TMEM108: variants seen among roughly 807,000 people sequenced by gnomAD.
The protein encoded by TMEM108 is cancer/testis antigen 124.
A neutral mutation model predicts 35.1 loss-of-function variants in TMEM108; 12 were observed. The observed-to-expected ratio is 0.34, with a 90% CI of 0.22 to 0.55. TMEM108 has a LOEUF of 0.55. TMEM108 is among the 20% of genes least tolerant of loss of function. The probability of loss-of-function intolerance (pLI) is 0.89; values close to 1 mark genes in which losing one functional copy is unlikely to be tolerated. For synonymous variants in TMEM108, 287 were observed against 308.6 expected, an observed-to-expected ratio of 0.93 and a Z score of 0.73; for missense variants, 680 against 753.3, an observed-to-expected ratio of 0.90 and a Z score of 1.14.
intron 3 of TMEM108, among the ~76,000 whole-genome samples, chr3:133,359,091 A>C (rs1270688656): frequency 1.3e-5 from 2 of 152,224 alleles, no homozygotes; most frequent in African/African-American, 4.8e-5. Context: ...AATTTTGGTC[A>C]GGACCATATC....
chr3:133,127,680 T>G (rs953140597), intron 2 of TMEM108, among the ~76,000 whole-genome samples: 1 of 152,200 alleles, frequency 6.6e-6, no homozygotes, highest in Non-Finnish European at 1.5e-5. Context: ...CTGGCTCATT[T>G]CCATTATGTC....
rs986951495 is a variant in TMEM108 at position 133,319,410 on chromosome 3, C to A, written c.41-60342C>A. On this transcript the variant is annotated intron_variant, in intron 3 of 5. Coordinates refer to ENST00000321871, the MANE Select transcript of TMEM108 (RefSeq NM_023943.4). ...CTTTCTTGAAAGCACGACCTCCTGG[C>A]TGTAGGCCAACCAACTCAGGACATT... 2.0e-5 allele frequency among the ~76,000 whole-genome samples: 3 copies of A among 152,318 alleles called. No homozygotes were observed. The South Asian group carries it at 6.2e-4, about 32-fold the overall frequency.
intron 2 of TMEM108, among the ~76,000 whole-genome samples, chr3:133,208,592 C>T (rs1945791414): frequency 6.6e-6 from 1 of 152,170 alleles, no homozygotes; most frequent in East Asian, 1.9e-4. Context: ...TTTCCAACTA[C>T]CACCAGCTAC....
intron 2 of TMEM108, among the ~76,000 whole-genome samples, chr3:133,220,761 G>A (rs906921381): frequency 6.6e-6 from 1 of 152,068 alleles, no homozygotes; most frequent in African/African-American, 2.4e-5. Flanking sequence ...CAGGTTAAGG[G>A]CTCAGTCCCA....
chr3:133,094,120 G>T (rs1943981384), intron 2 of TMEM108, among the ~76,000 whole-genome samples: 1 of 152,010 alleles, frequency 6.6e-6, no homozygotes, highest in South Asian at 2.1e-4. Context: ...CTCTCATGGT[G>T]TGAAGATATG....
chr3:133,303,250 T>C (rs949113172), intron 3 of TMEM108: 1 of 152,168 alleles, frequency 6.6e-6, no homozygotes, highest in Non-Finnish European at 1.5e-5. Flanking sequence ...TAACCACCAT[T>C]TTTTGAGTAT....
chr3:133,070,052 G>A (rs529739269), intron 2 of TMEM108, among the ~76,000 whole-genome samples: 152 of 152,124 alleles, frequency 1.0e-3, no homozygotes, highest in Non-Finnish European at 1.8e-3. Flanking sequence ...TCATTCAATG[G>A]TGAGGAAATG....
intron 3 of TMEM108, among the ~76,000 whole-genome samples, chr3:133,239,963 G>C (rs1946290523): frequency 6.6e-6 from 1 of 152,196 alleles, no homozygotes; most frequent in Non-Finnish European, 1.5e-5. Context: ...CTGGAAGTTA[G>C]TTTTTACTCT....
chr3:133,049,160 T>G (rs1458152672), intron 2 of TMEM108, among the ~76,000 whole-genome samples: 1 of 152,232 alleles, frequency 6.6e-6, no homozygotes, highest in Non-Finnish European at 1.5e-5. Flanking sequence ...TTTTTCCAGG[T>G]GGTCAGAACA....
intron 3 of TMEM108, among the ~76,000 whole-genome samples, chr3:133,349,772 A>G (rs1458609885): frequency 1.3e-5 from 2 of 152,162 alleles, no homozygotes; most frequent in Non-Finnish European, 2.9e-5. Context: ...TTTAAAAGAG[A>G]CAAAAGAAAA....
intron 2 of TMEM108, among the ~76,000 whole-genome samples, chr3:133,057,040 C>G (rs1943473379): frequency 6.6e-6 from 1 of 152,086 alleles, no homozygotes; most frequent in Non-Finnish European, 1.5e-5. Context: ...AGACTCTGCC[C>G]CATATTGATT....
intron 3 of TMEM108, among the ~76,000 whole-genome samples, chr3:133,326,852 C>G (rs1156745010): frequency 6.6e-6 from 1 of 152,196 alleles, no homozygotes; most frequent in African/African-American, 2.4e-5. Flanking sequence ...AATAATATGT[C>G]CACTTAGAGG....
At chr3:133,041,440 T>C (rs1943275276) in intron 1 of TMEM108, among the ~76,000 whole-genome samples, 1 of 152,242 alleles carries the variant, frequency 6.6e-6, no homozygotes, top group Non-Finnish European at 1.5e-5. Flanking sequence ...TGGGAATTCC[T>C]GGAGGAGCTG....
At chr3:133,315,817 C>CA (rs2071191902) in intron 3 of TMEM108, among the ~76,000 whole-genome samples, 1 of 152,180 alleles carries the variant, frequency 6.6e-6, no homozygotes, top group Admixed American at 6.5e-5. Flanking sequence ...TACTTGTTTG[C>CA]AAAATCACTT....
intron 3 of TMEM108, among the ~76,000 whole-genome samples, chr3:133,290,669 A>G (rs1009287507): frequency 1.3e-5 from 2 of 152,162 alleles, no homozygotes; most frequent in Admixed American, 1.3e-4. Flanking sequence ...ATTCAGAAAC[A>G]GAACCCTGAA....
At chr3:133,300,180 G>A (rs1386910931) in intron 3 of TMEM108, among the ~76,000 whole-genome samples, 2 of 152,042 alleles carry the variant, frequency 1.3e-5, no homozygotes, top group Non-Finnish European at 2.9e-5. Flanking sequence ...TGGCTGGTAT[G>A]GGGGGGTGGG....
At chr3:133,217,742 T>C (rs1452516794) in intron 2 of TMEM108, among the ~76,000 whole-genome samples, 1 of 152,076 alleles carries the variant, frequency 6.6e-6, no homozygotes, top group Non-Finnish European at 1.5e-5. Flanking sequence ...TGGCCATAAA[T>C]GCACAGATTT....
chr3:133,322,566 A>G (rs962554210), intron 3 of TMEM108, among the ~76,000 whole-genome samples: 2 of 152,190 alleles, frequency 1.3e-5, no homozygotes, highest in Non-Finnish European at 2.9e-5. Context: ...GACCAGACGG[A>G]TTCACAGCTG....
At chr3:133,225,765 GTTTAA>G (rs760664774) in intron 2 of TMEM108, among the ~76,000 whole-genome samples, 37 of 152,158 alleles carry the variant, frequency 2.4e-4, no homozygotes, top group Non-Finnish European at 4.6e-4. Flanking sequence ...TGTACAAGTG[GTTTAA>G]TTTAAACACT....
Sources: allele counts gnomAD v4.1 joint callset (sites outside exome capture counted in the v4.1 genomes callset), GRCh38; gene constraint gnomAD v4.1.1; transcripts MANE v1.5; gene names NCBI Gene and HGNC (gene_info 2026-07-23, HGNC 2026-07-21).